The following B3GLCT variants were observed in gnomAD, a reference collection of about 807,000 sequenced individuals.
B3GLCT encodes the protein beta-1,3-glucosyltransferase.
In B3GLCT, 65 loss-of-function variants were observed where a neutral mutation model predicts 63.4. That is an observed-to-expected ratio of 1.03 (90% CI 0.84 to 1.26). The LOEUF is 1.26. Among genes scored for constraint, B3GLCT ranks in the 50% most tolerant of loss-of-function variants. The pLI is 0.00. For synonymous variants in B3GLCT, 233 were observed against 219.2 expected (o/e 1.06, Z -0.55); for missense variants, 577 against 604.8 (o/e 0.95, Z 0.48).
intron 1 of B3GLCT, among the ~76,000 whole-genome samples, chr13:31,204,307 A>G (rs138554322): frequency 0.014 from 2,158 of 152,272 alleles, 24 homozygotes; most frequent in Non-Finnish European, 0.022. Context: ...ATCTAGAGTC[A>G]GGGGTGCTGC....
chr13:31,228,065 T>TA (rs1192833497), intron 3 of B3GLCT, among the ~76,000 whole-genome samples: 2 of 152,246 alleles, frequency 1.3e-5, no homozygotes, highest in Non-Finnish European at 1.5e-5. Context: ...GGGCAGGACA[T>TA]ACTCGGGTTT....
At chr13:31,244,834 T>C (rs185725389) in intron 4 of B3GLCT, among the ~76,000 whole-genome samples, 1 of 152,304 alleles carries the variant, frequency 6.6e-6, no homozygotes, top group East Asian at 1.9e-4. Flanking sequence ...TTATTTACAA[T>C]TAAGATGACT....
intron 4 of B3GLCT, among the ~76,000 whole-genome samples, chr13:31,237,384 G>A (rs1429112591): frequency 9.3e-6 from 1 of 107,726 alleles, no homozygotes; most frequent in East Asian, 3.0e-4. Context: ...ATGGAGTTTT[G>A]CTTCTGTTTC....
intron 3 of B3GLCT, among the ~76,000 whole-genome samples, chr13:31,224,849 A>G (rs572239361): frequency 6.6e-6 from 1 of 152,300 alleles, no homozygotes; most frequent in Admixed American, 6.5e-5. Context: ...CACCAGCATG[A>G]TGAAACCCAT....
chr13:31,322,237 C>T (rs1017597544), intron 13 of B3GLCT, among the ~76,000 whole-genome samples: 1 of 152,218 alleles, frequency 6.6e-6, no homozygotes, highest in African/African-American at 2.4e-5. Context: ...CGGAAGAGGC[C>T]GCAGGCAGTG....
At chr13:31,288,393 G>A (rs1873456700) in intron 12 of B3GLCT, among the ~76,000 whole-genome samples, 1 of 152,142 alleles carries the variant, frequency 6.6e-6, no homozygotes, top group South Asian at 2.1e-4. Flanking sequence ...CTAGCCCACT[G>A]CTCTCATTAC....
rs1489760398 is a variant in B3GLCT, at chr13:31,323,910, T to TTTATTCTTCCCTCATGGCAGGTGAGGGAC, written c.1329+16_1329+44dup. On this transcript the variant is annotated intron_variant, in intron 14 of 14. Coordinates refer to ENST00000343307, the MANE Select transcript of B3GLCT (RefSeq NM_194318.4). ...TCTTCCATCAGGTGAGGAAATGGTT[T>TTTATTCTTCCCTCATGGCAGGTGAGGGAC]TTATTCTTCCCTCATGGCAGGTGAG... The TTTATTCTTCCCTCATGGCAGGTGAGGGAC allele has an allele frequency of 6.2e-7, 1 of 1,614,088 alleles. No homozygotes were observed. Among genetic ancestry groups the TTTATTCTTCCCTCATGGCAGGTGAGGGAC allele is most frequent in the East Asian group, 2.2e-5 (1 of 44,878 alleles).
At chr13:31,243,183 G>A (rs939742991) in intron 4 of B3GLCT, among the ~76,000 whole-genome samples, 7 of 152,186 alleles carry the variant, frequency 4.6e-5, no homozygotes, top group African/African-American at 1.2e-4. Flanking sequence ...TAAAAGTTCA[G>A]TTTTTTAGAA....
intron 6 of B3GLCT, among the ~76,000 whole-genome samples, chr13:31,257,367 A>AT (rs928572972): frequency 9.8e-4 from 149 of 151,480 alleles, no homozygotes; most frequent in African/African-American, 3.4e-3. Flanking sequence ...TTTATTATAG[A>AT]TTTTTTTTTA....
intron 12 of B3GLCT, among the ~76,000 whole-genome samples, chr13:31,302,478 C>A (rs1173211655): frequency 7.3e-6 from 1 of 137,230 alleles, no homozygotes; most frequent in Non-Finnish European, 1.6e-5. Flanking sequence ...GCGCACCGTG[C>A]GCGAGCCGAA....
At chr13:31,212,464 G>A (rs1869319127) in intron 1 of B3GLCT, among the ~76,000 whole-genome samples, 1 of 152,010 alleles carries the variant, frequency 6.6e-6, no homozygotes, top group Admixed American at 6.6e-5. Context: ...TAGTAGAGAT[G>A]GGGTTTCACT....
chr13:31,245,207 T>C (rs950019815), intron 4 of B3GLCT, among the ~76,000 whole-genome samples: 1 of 152,188 alleles, frequency 6.6e-6, no homozygotes, highest in Non-Finnish European at 1.5e-5. Context: ...GCTTGTCTTC[T>C]AATCTCTCCC....
intron 4 of B3GLCT, among the ~76,000 whole-genome samples, chr13:31,230,350 C>T (rs1406428394): frequency 6.6e-6 from 1 of 152,138 alleles, no homozygotes; most frequent in Non-Finnish European, 1.5e-5. Flanking sequence ...AAGTGCTTGC[C>T]TGTAGATAAA....
chr13:31,277,136 G>T (rs2137863139), intron 10 of B3GLCT, among the ~76,000 whole-genome samples: 1 of 152,240 alleles, frequency 6.6e-6, no homozygotes. Context: ...AATGTCAGGG[G>T]ATTTCAAGGT....
intron 3 of B3GLCT, among the ~76,000 whole-genome samples, chr13:31,224,816 G>A (rs114144661): frequency 0.015 from 2,354 of 152,092 alleles, 67 homozygotes; most frequent in African/African-American, 0.054. Context: ...GAAGTACATC[G>A]TATTGGTTTT....
At chr13:31,206,070 C>T (rs896954704) in intron 1 of B3GLCT, among the ~76,000 whole-genome samples, 2 of 152,158 alleles carry the variant, frequency 1.3e-5, no homozygotes, top group African/African-American at 4.8e-5. Flanking sequence ...TTATCTTCTC[C>T]AGATCCTTGA....
intron 14 of B3GLCT, among the ~76,000 whole-genome samples, chr13:31,326,424 T>C (rs1341429382): frequency 1.3e-5 from 2 of 151,676 alleles, no homozygotes; most frequent in Non-Finnish European, 2.9e-5. Flanking sequence ...GCTGGGACTA[T>C]AGGTGTGTGC....
rs907888526 is a variant in B3GLCT at position 31,200,247 on chromosome 13, G to C, written c.70+93G>C. On this transcript the variant is annotated intron_variant, in intron 1 of 14. Transcript: ENST00000343307. ...CGGTCGGCGCGGGGAGGGAGGCGCA[G>C]GGCGGCCCAGCCCTGCCCCGCCGGC... 1.0e-5 allele frequency: 8 copies of C among 772,518 alleles called. No individual in the cohort carries two copies. The African/African-American group carries it at 1.3e-4, about 13-fold the overall frequency. The allele number at this position is 772,518 out of a possible 1,614,324, so 47.9% of individuals were successfully genotyped here. A position where few individuals can be genotyped will look rare whatever the true frequency, so the allele number is the denominator to read the frequency against.
Position 31,286,758 on chromosome 13 carries a change from C to A in B3GLCT, c.1003C>A (p.Leu335Met). 1 of 1,613,534 alleles carries A rather than the reference C, an allele frequency of 6.2e-7. No individual in the cohort carries two copies. Among genetic ancestry groups the A allele is most frequent in the Non-Finnish European group, 8.5e-7 (1 of 1,179,648 alleles). ...GKTFAILERF[L>M]NRSQDKTAWL... ...GACATTTGCCATTTTGGAAAGATTTCTGAATCGTAGCCAGGACAAAACAGC... is the reference window on the plus strand; with the variant it reads ...GACATTTGCCATTTTGGAAAGATTTATGAATCGTAGCCAGGACAAAACAGC... The change falls in exon 12 of 15, where the codon CTG becomes ATG. Residue 335 changes from leucine (L) to methionine (M), a missense_variant. Physicochemically the swap from Leu to Met is conservative, Grantham distance 15. Transcript: ENST00000343307.
Sources: allele counts gnomAD v4.1 joint callset (sites outside exome capture counted in the v4.1 genomes callset), GRCh38; gene constraint gnomAD v4.1.1; transcripts MANE v1.5; gene names NCBI Gene and HGNC (gene_info 2026-07-23, HGNC 2026-07-21).